Variants in SSBP2 observed in about 807,000 individuals in gnomAD.
SSBP2 encodes the protein single-stranded DNA-binding protein 2.
A neutral mutation model predicts 61.8 loss-of-function variants in SSBP2; 17 were observed. The ratio of observed to expected loss-of-function variants is 0.28; its 90% CI spans 0.19 to 0.41. The LOEUF (loss-of-function observed/expected upper bound fraction) is 0.41, where lower values mean the gene tolerates loss of function less well. Ranked by LOEUF, SSBP2 falls within the 10% of genes least tolerant of loss-of-function variation. SSBP2 has a pLI of 1.00. For missense variants in SSBP2, 310 were observed against 458.7 expected (o/e 0.68, Z 2.96); for synonymous variants, 139 against 141.3 (o/e 0.98, Z 0.12).
At chr5:81,663,352 T>C (rs1264808643) in intron 1 of SSBP2, among the ~76,000 whole-genome samples, 1 of 152,150 alleles carries the variant, frequency 6.6e-6, no homozygotes, top group African/African-American at 2.4e-5. Context: ...TTAACAGAAG[T>C]CAGCTAATAA....
intron 1 of SSBP2, among the ~76,000 whole-genome samples, chr5:81,734,137 A>G (rs763945375): frequency 1.2e-4 from 19 of 152,218 alleles, no homozygotes; most frequent in Non-Finnish European, 2.2e-4. Flanking sequence ...ATTGGTAGAT[A>G]TGGAAAAGTG....
At chr5:81,724,283 C>G (rs188286011) in intron 1 of SSBP2, among the ~76,000 whole-genome samples, 11 of 152,024 alleles carry the variant, frequency 7.2e-5, no homozygotes, top group Non-Finnish European at 1.2e-4. Flanking sequence ...TAATTCTCTT[C>G]TATTAGTTAT....
At chr5:81,601,369 T>C (rs1444034182) in intron 4 of SSBP2, among the ~76,000 whole-genome samples, 1 of 152,166 alleles carries the variant, frequency 6.6e-6, no homozygotes, top group African/African-American at 2.4e-5. Context: ...GTTCTATATC[T>C]TGACTCAGGT....
chr5:81,495,470 C>T (rs912574787), intron 5 of SSBP2, among the ~76,000 whole-genome samples: 1 of 152,160 alleles, frequency 6.6e-6, no homozygotes, highest in Non-Finnish European at 1.5e-5. Context: ...TAAATTAATT[C>T]CCCAAGGGCC....
At chr5:81,487,982 A>C (rs1468047543) in intron 6 of SSBP2, among the ~76,000 whole-genome samples, 1 of 128,800 alleles carries the variant, frequency 7.8e-6, no homozygotes. Context: ...TGCAAATGGC[A>C]GTATTTCCTT....
At chr5:81,437,622 G>T in intron 14 of SSBP2, 164 bp from the exon 15 acceptor site, 1 of 514,460 alleles carries the variant, frequency 1.9e-6, no homozygotes, top group Non-Finnish European at 3.4e-6. Context: ...ACAGTATAGT[G>T]AATCAGTACC....
chr5:81,503,541 A>G (rs904635521), intron 5 of SSBP2, among the ~76,000 whole-genome samples: 1 of 152,188 alleles, frequency 6.6e-6, no homozygotes, highest in Admixed American at 6.5e-5. Context: ...TGGGAGTGCA[A>G]ATTAGTGCAA....
At chr5:81,584,264 T>G (rs1774900486) in intron 4 of SSBP2, among the ~76,000 whole-genome samples, 1 of 152,188 alleles carries the variant, frequency 6.6e-6, no homozygotes, top group African/African-American at 2.4e-5. Context: ...AACTGAATTT[T>G]TAATAGTCCT....
chr5:81,622,900 G>A (rs985638141), intron 3 of SSBP2, among the ~76,000 whole-genome samples: 1 of 152,128 alleles, frequency 6.6e-6, no homozygotes, highest in South Asian at 2.1e-4. Flanking sequence ...ACTGCGTATC[G>A]ACATTATTTC....
intron 1 of SSBP2, among the ~76,000 whole-genome samples, chr5:81,673,769 T>G (rs769627960): frequency 6.6e-6 from 1 of 152,202 alleles, no homozygotes; most frequent in African/African-American, 2.4e-5. Flanking sequence ...GCTAAAGACG[T>G]TGGCACTAAA....
At chr5:81,587,747 GCACACACACGCGCGCGCACACA>G (rs1441633662) in intron 4 of SSBP2, among the ~76,000 whole-genome samples, 1 of 128,230 alleles carries the variant, frequency 7.8e-6, no homozygotes, top group East Asian at 3.0e-4. Context: ...ACACACACAC[GCACACACACGCGCGCGCACACA>G]CACACACACA....
chr5:81,615,263 A>G, intron 4 of SSBP2: 1 of 491,008 alleles, frequency 2.0e-6, no homozygotes, highest in Non-Finnish European at 3.6e-6. Flanking sequence ...GCTTAGAATT[A>G]GGCCTACGCT....
chr5:81,640,675 T>C (rs113243156), intron 2 of SSBP2, among the ~76,000 whole-genome samples: 6 of 151,822 alleles, frequency 4.0e-5, no homozygotes, highest in African/African-American at 7.2e-5. Flanking sequence ...CAAAAACCTA[T>C]GTCTCATCCT....
chr5:81,611,641 A>G (rs1745456301), intron 4 of SSBP2, among the ~76,000 whole-genome samples: 1 of 152,144 alleles, frequency 6.6e-6, no homozygotes, highest in African/African-American at 2.4e-5. Context: ...AATAGTAAGG[A>G]ATAAAGATCT....
At chr5:81,698,805 C>A (rs1044171976) in intron 1 of SSBP2, among the ~76,000 whole-genome samples, 1 of 152,138 alleles carries the variant, frequency 6.6e-6, no homozygotes, top group African/African-American at 2.4e-5. Flanking sequence ...AGGACTCCAT[C>A]TCAAAAAATA....
intron 15 of SSBP2, among the ~76,000 whole-genome samples, chr5:81,435,602 T>C (rs528700873): frequency 4.6e-5 from 7 of 152,334 alleles, no homozygotes; most frequent in Non-Finnish European, 8.8e-5. Flanking sequence ...CGATCTGATA[T>C]GAGGGCAGAT....
At chr5:81,562,008 G>T (rs28660343) in intron 4 of SSBP2, among the ~76,000 whole-genome samples, 10 of 151,916 alleles carry the variant, frequency 6.6e-5, no homozygotes, top group African/African-American at 9.7e-5. Flanking sequence ...GAGTTCAAGC[G>T]ATTCTCCTGT....
chr5:81,703,468 G>A (rs1485473473), intron 1 of SSBP2, among the ~76,000 whole-genome samples: 2 of 152,026 alleles, frequency 1.3e-5, no homozygotes, highest in African/African-American at 4.8e-5. Flanking sequence ...GAGGTCCAGA[G>A]GGAATGGGTG....
rs1581172459 is a variant in SSBP2, at chr5:81,615,413, A to C, written c.282+60T>G. ...AATAGATGAGCCAGTGTATTTTTTA[A>C]GAGCAGTGGTTAAACAGAAAACTGA... On this transcript the variant is annotated intron_variant, in intron 4 of 16. Transcript: ENST00000320672. 7 of 1,206,252 alleles carry C rather than the reference A, an allele frequency of 5.8e-6. No individual in the cohort carries two copies. In the East Asian group the frequency reaches 1.6e-4, roughly 28 times the overall value. 74.7% of individuals were successfully genotyped at this position (1,206,252 alleles called of 1,614,324 possible).
Sources: gnomAD v4.1 joint callset for allele counts (sites outside exome capture counted in the v4.1 genomes callset) on GRCh38, gnomAD v4.1.1 for gene constraint, MANE v1.5 for transcripts, NCBI Gene and HGNC (gene_info 2026-07-23, HGNC 2026-07-21) for gene names.